CAMTA1: variants seen among roughly 807,000 people sequenced by gnomAD.
CAMTA1 encodes calmodulin-binding transcription activator 1.
A neutral mutation model predicts 170.9 loss-of-function variants in CAMTA1; 27 were observed. The ratio of observed to expected loss-of-function variants is 0.16; its 90% confidence interval spans 0.12 to 0.22. The LOEUF (loss-of-function observed/expected upper bound fraction) is 0.22. Ranked by LOEUF, CAMTA1 falls within the 10% of genes least tolerant of loss-of-function variation. The probability of loss-of-function intolerance (pLI) is 1.00; values close to 1 mark genes in which losing one functional copy is unlikely to be tolerated. For missense variants in CAMTA1, 1,619 were observed against 2,217.2 expected (o/e 0.73, Z 5.42); for synonymous variants, 833 against 891.5 (o/e 0.93, Z 1.17).
chr1:6,812,346 T>C (rs1026681546), intron 1 of CAMTA1, among the ~76,000 whole-genome samples: 1 of 152,234 alleles, frequency 6.6e-6, no homozygotes, highest in Admixed American at 6.5e-5. Flanking sequence ...AGGCTTAATG[T>C]GTGCTTTGCT....
At chr1:7,053,895 A>G (rs1706873457) in intron 3 of CAMTA1, among the ~76,000 whole-genome samples, 1 of 152,234 alleles carries the variant, frequency 6.6e-6, no homozygotes. Context: ...GGTGGGAGAC[A>G]GCCCTTAAAG....
intron 3 of CAMTA1, among the ~76,000 whole-genome samples, chr1:6,955,164 G>A (rs914133735): frequency 5.9e-5 from 9 of 151,938 alleles, no homozygotes; most frequent in African/African-American, 2.2e-4. Context: ...TGGATGAGCT[G>A]GGGTGGGGGG....
chr1:6,883,615 G>A (rs1672258982), intron 3 of CAMTA1, among the ~76,000 whole-genome samples: 2 of 152,304 alleles, frequency 1.3e-5, no homozygotes, highest in Non-Finnish European at 2.9e-5. Context: ...AGGCATGAAG[G>A]AGCTGAGGGT....
intron 3 of CAMTA1, among the ~76,000 whole-genome samples, chr1:7,045,751 C>T (rs1194514930): frequency 2.6e-5 from 4 of 152,170 alleles, no homozygotes; most frequent in African/African-American, 9.7e-5. Flanking sequence ...CTCTTGAAGA[C>T]GTCCTCTAGC....
chr1:7,673,582 G>C lies in CAMTA1; in HGVS notation c.2779+2545G>C, dbSNP rs942344941. On this transcript the variant is annotated intron_variant, in intron 10 of 22. Transcript: ENST00000303635. This position sits in a 1 kb window ranked among gnomAD's most constrained non-coding sequence, Gnocchi z 4.6. ...TCTGCCCAGGCCACTCACCCTCCTAGCTGTTCAGGCTCATTATATGAGCCA... is the reference window on the plus strand; with the variant it reads ...TCTGCCCAGGCCACTCACCCTCCTACCTGTTCAGGCTCATTATATGAGCCA... Among the ~76,000 whole-genome samples the C allele has an allele frequency of 5.9e-5, 9 of 152,274 alleles. No homozygotes were observed. Among genetic ancestry groups the C allele is most frequent in the African/African-American group, 1.7e-4 (7 of 41,540 alleles).
intron 6 of CAMTA1, among the ~76,000 whole-genome samples, chr1:7,471,708 C>T (rs2093333739): frequency 6.6e-6 from 1 of 152,246 alleles, no homozygotes; most frequent in African/African-American, 2.4e-5. Context: ...TCACTGCAGC[C>T]GCAGGACCCT....
chr1:7,655,004 C>A (rs111161925), intron 7 of CAMTA1, among the ~76,000 whole-genome samples: 157 of 122,880 alleles, frequency 1.3e-3, no homozygotes, highest in Non-Finnish European at 1.4e-3. Context: ...CCACACACAC[C>A]TATACACACA....
intron 6 of CAMTA1, among the ~76,000 whole-genome samples, chr1:7,499,234 TGTGTGTG>T (rs1257346082): frequency 8.7e-6 from 1 of 115,450 alleles, no homozygotes; most frequent in Non-Finnish European, 1.8e-5. Flanking sequence ...TATATGAGTG[TGTGTGTG>T]CATGTGTGTA....
chr1:6,935,198 A>G (rs1268384006), intron 3 of CAMTA1, among the ~76,000 whole-genome samples: 1 of 152,162 alleles, frequency 6.6e-6, no homozygotes, highest in African/African-American at 2.4e-5. Context: ...AGGCATATAT[A>G]TTGTCAAATA....
chr1:7,103,004 T>G (rs997678508), intron 4 of CAMTA1, among the ~76,000 whole-genome samples: 6 of 152,126 alleles, frequency 3.9e-5, no homozygotes, highest in Non-Finnish European at 8.8e-5. Context: ...ACAGATCATT[T>G]ATAAGAATTG....
chr1:7,287,594 A>G (rs1672531170), intron 5 of CAMTA1, among the ~76,000 whole-genome samples: 1 of 151,472 alleles, frequency 6.6e-6, no homozygotes, highest in Non-Finnish European at 1.5e-5. Flanking sequence ...CTTCTTCTTC[A>G]TCATCATCAC....
chr1:7,280,757 T>C (rs72863540), intron 5 of CAMTA1, among the ~76,000 whole-genome samples: 5,089 of 152,336 alleles, frequency 0.033, 240 homozygotes, highest in African/African-American at 0.1. Context: ...GTAAAGGCAG[T>C]TTCTATGTAA....
At chr1:7,221,928 TACACAC>T (rs61354001) in intron 4 of CAMTA1, among the ~76,000 whole-genome samples, 11 of 124,212 alleles carry the variant, frequency 8.9e-5, no homozygotes, top group Non-Finnish European at 1.7e-4. Flanking sequence ...CACACACACA[TACACAC>T]ACACACACAC....
rs1371719517 is a variant in CAMTA1 at position 7,664,622 on chromosome 1, T to C, written c.2075T>C (p.Met692Thr). 1 of 1,608,928 alleles carries C rather than the reference T, an allele frequency of 6.2e-7. No homozygotes were observed. The highest frequency in any genetic ancestry group is 8.5e-7 in the Non-Finnish European group (1 of 1,176,556). The change falls in exon 9 of 23, where the codon ATG becomes ACG. Residue 692 changes from methionine (M) to threonine (T), a missense_variant. Coordinates refer to ENST00000303635, the MANE Select transcript of CAMTA1 (RefSeq NM_015215.4). The part of the protein sequence containing the change: ...QAMTAEGEVT[M>T]ETSQAAEGSE... The stretch of plus-strand genomic sequence containing the variant: ...ATGACGGCAGAAGGGGAGGTCACCA[T>C]GGAGACCTCGCAGGCGGCGGAAGGG...
intron 3 of CAMTA1, among the ~76,000 whole-genome samples, chr1:7,047,403 A>T (rs924550169): frequency 6.6e-6 from 1 of 152,166 alleles, no homozygotes; most frequent in African/African-American, 2.4e-5. Flanking sequence ...GGGATAAGGG[A>T]ATTCCAGATG....
At chr1:6,821,801 A>G (rs1646516555) in intron 2 of CAMTA1, among the ~76,000 whole-genome samples, 1 of 152,184 alleles carries the variant, frequency 6.6e-6, no homozygotes, top group Non-Finnish European at 1.5e-5. Context: ...GGCAATGTGA[A>G]TCTCATTTTT....
chr1:7,006,013 A>T (rs2100701521), intron 3 of CAMTA1, among the ~76,000 whole-genome samples: 1 of 152,238 alleles, frequency 6.6e-6, no homozygotes, highest in South Asian at 2.1e-4. Flanking sequence ...AACAGAGAGG[A>T]CAGGGAAGGT....
At chr1:7,346,380 C>T (rs550210936) in intron 5 of CAMTA1, among the ~76,000 whole-genome samples, 7 of 152,242 alleles carry the variant, frequency 4.6e-5, no homozygotes, top group African/African-American at 7.2e-5. Flanking sequence ...GGATCTGTGA[C>T]GAAGGCATTC....
intron 6 of CAMTA1, among the ~76,000 whole-genome samples, chr1:7,537,918 G>C (rs1304744507): frequency 6.6e-6 from 1 of 152,160 alleles, no homozygotes; most frequent in African/African-American, 2.4e-5. Context: ...CCTCTCAAAG[G>C]GGTCTTTTCC....
Sources: gnomAD v4.1 joint callset for allele counts (sites outside exome capture counted in the v4.1 genomes callset) on GRCh38, gnomAD v4.1.1 for gene constraint, Gnocchi (gnomAD v3.1) non-coding constraint, MANE v1.5 for transcripts, NCBI Gene and HGNC (gene_info 2026-07-23, HGNC 2026-07-21) for gene names.